The following KLF8 variants were observed in gnomAD, a reference collection of about 807,000 sequenced individuals.
The protein encoded by KLF8 is Krueppel-like factor 8.
In KLF8, 10 loss-of-function variants were observed where a neutral mutation model predicts 18.2. The ratio of observed to expected loss-of-function variants is 0.55; its 90% confidence interval spans 0.34 to 0.93. The LOEUF (loss-of-function observed/expected upper bound fraction) is 0.93, where lower values mean the gene tolerates loss of function less well. KLF8 is among the 40% of genes least tolerant of loss of function. The pLI, the probability that KLF8 is intolerant of heterozygous loss-of-function variation, is 0.02. For synonymous variants in KLF8, 109 were observed against 97.3 expected (o/e 1.12, Z -0.71); for missense variants, 264 against 277.9 (o/e 0.95, Z 0.36).
the KLF8 span, among the ~76,000 whole-genome samples, chrX:56,079,084 A>C: frequency 2.7e-5 from 3 of 111,096 alleles, no homozygotes; most frequent in African/African-American, 6.6e-5. Context: ...TGATCCTTTC[A>C]AAAAACCAGC....
At chrX:56,234,331 C>T (rs1027920985) in intron 1 of KLF8, among the ~76,000 whole-genome samples, 1 of 111,618 alleles carries the variant, frequency 9.0e-6, no homozygotes, top group Non-Finnish European at 1.9e-5. Context: ...TCACCCTGGG[C>T]CTTGCTTTTC....
chrX:55,925,022 A>T, the KLF8 span, among the ~76,000 whole-genome samples: 12 of 86,411 alleles, frequency 1.4e-4, no homozygotes, highest in Admixed American at 2.5e-4. Flanking sequence ...CGCCCAGCTA[A>T]TTTTTTTTTT....
the KLF8 span, among the ~76,000 whole-genome samples, chrX:55,932,471 C>T: frequency 9.0e-6 from 1 of 111,647 alleles, no homozygotes; most frequent in Non-Finnish European, 1.9e-5. Flanking sequence ...TATCGATGGT[C>T]TTTACAATTT....
chrX:56,187,063 CA>C, the KLF8 span, among the ~76,000 whole-genome samples: 48 of 110,991 alleles, frequency 4.3e-4, no homozygotes, highest in African/African-American at 1.4e-3. Context: ...AAAAACCCTT[CA>C]AAAAATTAAT....
the KLF8 span, among the ~76,000 whole-genome samples, chrX:55,929,395 G>A: frequency 8.9e-6 from 1 of 111,969 alleles, no homozygotes; most frequent in Non-Finnish European, 1.9e-5. Flanking sequence ...GTCAATTTTG[G>A]CTTTTGTTGC....
chrX:55,955,473 C>G, the KLF8 span, among the ~76,000 whole-genome samples: 1 of 93,074 alleles, frequency 1.1e-5, no homozygotes, highest in Non-Finnish European at 1.9e-5. Flanking sequence ...GTGATGTCAT[C>G]TGCTTTATGT....
chrX:56,244,821 TC>T (rs775162114), intron 1 of KLF8, among the ~76,000 whole-genome samples: 1 of 112,478 alleles, frequency 8.9e-6, no homozygotes, highest in East Asian at 2.8e-4. Flanking sequence ...TTTAAATAGT[TC>T]CAGTACTTCT....
At chrX:56,122,173 A>G in the KLF8 span, among the ~76,000 whole-genome samples, 1 of 111,326 alleles carries the variant, frequency 9.0e-6, no homozygotes, top group African/African-American at 3.3e-5. Context: ...ATACTCAATG[A>G]CAGTTAATGG....
At chrX:55,970,379 T>C in the KLF8 span, among the ~76,000 whole-genome samples, 4 of 111,205 alleles carry the variant, frequency 3.6e-5, no homozygotes, top group South Asian at 1.1e-3. Flanking sequence ...TCAACATCCC[T>C]TCATTATAAA....
At chrX:55,964,718 A>T in the KLF8 span, among the ~76,000 whole-genome samples, 3 of 112,061 alleles carry the variant, frequency 2.7e-5, no homozygotes, top group African/African-American at 9.7e-5. Flanking sequence ...AATGACAAAG[A>T]TGACATTACC....
intron 1 of KLF8, among the ~76,000 whole-genome samples, chrX:56,246,668 A>T (rs992230581): frequency 1.8e-5 from 2 of 111,372 alleles, no homozygotes; most frequent in South Asian, 7.7e-4. Flanking sequence ...CCAGAAGGGG[A>T]AGGAAGTGAC....
intron 1 of KLF8, among the ~76,000 whole-genome samples, chrX:56,238,530 T>C (rs1364918681): frequency 8.9e-6 from 1 of 111,896 alleles, no homozygotes; most frequent in Non-Finnish European, 1.9e-5. Context: ...CAGAAGATAC[T>C]GAACCAGCAT....
the KLF8 span, among the ~76,000 whole-genome samples, chrX:56,004,812 T>C: frequency 9.0e-6 from 1 of 110,914 alleles, no homozygotes; most frequent in African/African-American, 3.3e-5. Flanking sequence ...AAATAGAAGA[T>C]AACAGCATAA....
the KLF8 span, among the ~76,000 whole-genome samples, chrX:56,080,245 G>A: frequency 9.0e-6 from 1 of 110,707 alleles, no homozygotes; most frequent in Non-Finnish European, 1.9e-5. Flanking sequence ...TCCTAGTCTC[G>A]ATGGTCTTTA....
chrX:56,221,777 G>A, the KLF8 span, among the ~76,000 whole-genome samples: 1 of 111,710 alleles, frequency 9.0e-6, no homozygotes, highest in Non-Finnish European at 1.9e-5. Context: ...CAAAGAGTGA[G>A]CAGCAGCAAG....
At chrX:55,984,189 G>A in the KLF8 span, among the ~76,000 whole-genome samples, 2 of 109,748 alleles carry the variant, frequency 1.8e-5, no homozygotes, top group East Asian at 2.8e-4. Context: ...ATAGGTAAAC[G>A]TGTGCCAGGG....
the KLF8 span, among the ~76,000 whole-genome samples, chrX:56,222,741 C>T: frequency 8.8e-6 from 1 of 113,029 alleles, no homozygotes; most frequent in South Asian, 3.5e-4. Context: ...ACCCTGCCCC[C>T]GGGGAGGCAG....
the KLF8 span, among the ~76,000 whole-genome samples, chrX:56,053,500 T>C: frequency 9.2e-6 from 1 of 108,316 alleles, no homozygotes; most frequent in Admixed American, 9.9e-5. Context: ...TGCTAGGTTT[T>C]GATGTCAGGA....
the KLF8 span, among the ~76,000 whole-genome samples, chrX:55,954,215 C>T: frequency 2.3e-4 from 25 of 110,947 alleles, no homozygotes; most frequent in African/African-American, 8.2e-4. Context: ...ACATATTTTT[C>T]TCCAACCAGA....
Sources: gnomAD v4.1 joint callset for allele counts (sites outside exome capture counted in the v4.1 genomes callset) on GRCh38, gnomAD v4.1.1 for gene constraint, MANE v1.5 for transcripts, NCBI Gene and HGNC (gene_info 2026-07-23, HGNC 2026-07-21) for gene names.